Variants in KCNMA1 observed in about 807,000 individuals in gnomAD.
The protein encoded by KCNMA1 is potassium calcium-activated channel subfamily M alpha 1.
KCNMA1 carries 29 observed loss-of-function variants against 140.0 expected under a neutral mutation model. The observed-to-expected ratio is 0.21, with a 90% CI of 0.15 to 0.28. KCNMA1 has a LOEUF of 0.28. Ranked by LOEUF, KCNMA1 falls within the 10% of genes least tolerant of loss-of-function variation. The pLI is 1.00. For synonymous variants in KCNMA1, 612 were observed against 611.9 expected, an observed-to-expected ratio of 1.00 and a Z score of 0.00; for missense variants, 880 against 1,602.2, an observed-to-expected ratio of 0.55 and a Z score of 7.70.
At chr10:77,025,269 TATATATATATATAC>T (rs2093331524) in intron 16 of KCNMA1, among the ~76,000 whole-genome samples, 2 of 115,182 alleles carry the variant, frequency 1.7e-5, no homozygotes, top group African/African-American at 3.5e-5. Flanking sequence ...TATATATATA[TATATATATATATAC>T]ACACACACAT....
intron 2 of KCNMA1, among the ~76,000 whole-genome samples, chr10:77,378,314 C>T (rs192505595): frequency 6.6e-6 from 1 of 152,308 alleles, no homozygotes; most frequent in Non-Finnish European, 1.5e-5. Context: ...CCACTTCCGT[C>T]GCAAAAGTGT....
chr10:77,511,946 G>A (rs2048556491), intron 1 of KCNMA1, among the ~76,000 whole-genome samples: 1 of 152,214 alleles, frequency 6.6e-6, no homozygotes, highest in Non-Finnish European at 1.5e-5. Context: ...TTTAGAGAAT[G>A]GAACTTGGGC....
chr10:77,538,823 G>T (rs2059509692), intron 1 of KCNMA1, among the ~76,000 whole-genome samples: 1 of 152,140 alleles, frequency 6.6e-6, no homozygotes, highest in Non-Finnish European at 1.5e-5. Context: ...TAATCCCATT[G>T]CTCCCTGCCT....
At chr10:77,565,839 G>A (rs575456020) in intron 1 of KCNMA1, among the ~76,000 whole-genome samples, 19 of 152,212 alleles carry the variant, frequency 1.2e-4, no homozygotes, top group Admixed American at 3.3e-4. Context: ...CACAGGAGGT[G>A]TCAAATGTGA....
chr10:77,291,753 T>G (rs1449799754), intron 2 of KCNMA1, among the ~76,000 whole-genome samples: 1 of 152,226 alleles, frequency 6.6e-6, no homozygotes, highest in Non-Finnish European at 1.5e-5. Flanking sequence ...GAGTGAACAT[T>G]TTCAAGTGCC....
intron 17 of KCNMA1, among the ~76,000 whole-genome samples, chr10:77,016,646 G>T (rs924721927): frequency 6.6e-6 from 1 of 152,080 alleles, no homozygotes; most frequent in Non-Finnish European, 1.5e-5. Flanking sequence ...CTGAGTCACT[G>T]AGCCACCGTT....
chr10:77,071,819 G>A (rs569820283), intron 14 of KCNMA1, among the ~76,000 whole-genome samples: 80 of 152,306 alleles, frequency 5.3e-4, no homozygotes, highest in African/African-American at 1.9e-3. Flanking sequence ...TCCTTTATGT[G>A]GAGCAATGTT....
intron 2 of KCNMA1, among the ~76,000 whole-genome samples, chr10:77,309,028 C>T (rs2078571597): frequency 6.6e-6 from 1 of 152,166 alleles, no homozygotes; most frequent in Admixed American, 6.5e-5. Flanking sequence ...CCTGTATTTC[C>T]CTTACCCAAA....
At position 76,952,602 on chromosome 10, in the gene KCNMA1, C is replaced by T. The variant is rs114217608; in HGVS notation, c.2484+1199G>A. ...TTTGCACTCCTGGTCAGTTGGACAA[C>T]AGCTGTTTGCTAAGAATTCTGACTT... On this transcript the variant is annotated intron_variant, in intron 21 of 27. Coordinates refer to ENST00000286628, the MANE Select transcript of KCNMA1 (RefSeq NM_001161352.2). 8.5e-3 allele frequency among the ~76,000 whole-genome samples: 1,295 copies of T among 152,300 alleles called. 17 individuals carry two copies. The highest frequency in any genetic ancestry group is 0.03 in the African/African-American group (1,250 of 41,572).
chr10:77,517,113 T>C (rs539722392), intron 1 of KCNMA1, among the ~76,000 whole-genome samples: 1 of 152,234 alleles, frequency 6.6e-6, no homozygotes, highest in East Asian at 1.9e-4. Flanking sequence ...CTGGTGCTTT[T>C]TCTCCCTGAT....
chr10:77,409,730 T>G (rs976182075), intron 1 of KCNMA1, among the ~76,000 whole-genome samples: 1 of 152,158 alleles, frequency 6.6e-6, no homozygotes, highest in Non-Finnish European at 1.5e-5. Flanking sequence ...TCCCTCAGAT[T>G]TGGCTGTCTC....
At chr10:77,271,917 C>T (rs1185115309) in intron 2 of KCNMA1, among the ~76,000 whole-genome samples, 1 of 152,180 alleles carries the variant, frequency 6.6e-6, no homozygotes, top group African/African-American at 2.4e-5. Context: ...TCTTCCTGAC[C>T]CTCCAAGGTG....
At chr10:77,014,871 T>G (rs2091677706) in intron 17 of KCNMA1, among the ~76,000 whole-genome samples, 2 of 152,300 alleles carry the variant, frequency 1.3e-5, no homozygotes, top group Admixed American at 1.3e-4. Flanking sequence ...GCCTCTGTCA[T>G]GCTCACCTCG....
At chr10:77,270,125 G>A (rs2064591747) in intron 2 of KCNMA1, among the ~76,000 whole-genome samples, 1 of 152,206 alleles carries the variant, frequency 6.6e-6, no homozygotes, top group African/African-American at 2.4e-5. Flanking sequence ...GTGCTGGGTG[G>A]ATAGCTGCTT....
At chr10:76,931,544 G>C (rs1007375425) in intron 23 of KCNMA1, among the ~76,000 whole-genome samples, 1 of 151,882 alleles carries the variant, frequency 6.6e-6, no homozygotes, top group Non-Finnish European at 1.5e-5. Flanking sequence ...GGCAAAGGAG[G>C]GAGGCCAAGT....
At chr10:77,465,005 AG>A (rs1409438434) in intron 1 of KCNMA1, among the ~76,000 whole-genome samples, 19 of 152,332 alleles carry the variant, frequency 1.2e-4, no homozygotes, top group African/African-American at 4.3e-4. Flanking sequence ...TAGGTAACAA[AG>A]GAATAGCCAA....
intron 3 of KCNMA1, among the ~76,000 whole-genome samples, chr10:77,191,954 T>C (rs1172654341): frequency 1.3e-5 from 2 of 152,078 alleles, no homozygotes; most frequent in African/African-American, 2.4e-5. Context: ...TGTGATCCAA[T>C]AGCCACAAAT....
intron 2 of KCNMA1, among the ~76,000 whole-genome samples, chr10:77,365,520 G>A (rs1431103966): frequency 6.6e-6 from 1 of 152,202 alleles, no homozygotes; most frequent in Non-Finnish European, 1.5e-5. Flanking sequence ...GGGCAGAGGA[G>A]GGGTAACTTG....
intron 5 of KCNMA1, among the ~76,000 whole-genome samples, chr10:77,171,816 T>C (rs1342334167): frequency 6.6e-6 from 1 of 152,154 alleles, no homozygotes; most frequent in Non-Finnish European, 1.5e-5. Context: ...CCTCGAGTAG[T>C]CCTGCTCTAG....
Sources: allele counts gnomAD v4.1 joint callset (sites outside exome capture counted in the v4.1 genomes callset), GRCh38; gene constraint gnomAD v4.1.1; transcripts MANE v1.5; gene names NCBI Gene and HGNC (gene_info 2026-07-23, HGNC 2026-07-21).